SAMSN1: variants seen among roughly 807,000 people sequenced by gnomAD.
The protein encoded by SAMSN1 is SAM domain-containing protein SAMSN-1.
In SAMSN1, 31 loss-of-function variants were observed where a neutral mutation model predicts 42.0. The ratio of observed to expected loss-of-function variants is 0.74; its 90% CI spans 0.55 to 1.00. The LOEUF is 1.00. SAMSN1 is among the 50% of genes least tolerant of loss of function. The pLI is 0.00. For synonymous variants in SAMSN1, 178 were observed against 151.9 expected (o/e 1.17, Z -1.26); for missense variants, 464 against 439.4 (o/e 1.06, Z -0.50).
At chr21:14,569,639 G>A (rs1168289266) in intron 2 of SAMSN1, among the ~76,000 whole-genome samples, 1 of 152,038 alleles carries the variant, frequency 6.6e-6, no homozygotes, top group South Asian at 2.1e-4. Flanking sequence ...TTCTGCAAAT[G>A]TGAAAAATTA....
rs1986409949 is a variant in SAMSN1, at chr21:14,485,869, T to A, written c.*43A>T. 1.3e-6 allele frequency: 2 copies of A among 1,485,762 alleles called. No homozygotes were observed. The highest frequency in any genetic ancestry group is 2.3e-5 in the South Asian group (2 of 88,304). The allele number at this position is 1,485,762 out of a possible 1,614,324, so 92.0% of individuals were successfully genotyped here. Reference sequence around the variant, plus strand: ...TTTGACGTTTTAGCTCAAGAAGAGTTAAAATGGAATGCATCTGTAGATATA... The same window carrying A: ...TTTGACGTTTTAGCTCAAGAAGAGTAAAAATGGAATGCATCTGTAGATATA... On this transcript the variant is annotated 3_prime_UTR_variant, in exon 8 of 8. Coordinates refer to ENST00000400566, the MANE Select transcript of SAMSN1 (RefSeq NM_022136.5).
At chr21:14,607,735 T>C (rs1240395735) in intron 5 of SAMSN1, among the ~76,000 whole-genome samples, 2 of 152,134 alleles carry the variant, frequency 1.3e-5, no homozygotes, top group Non-Finnish European at 2.9e-5. Context: ...ATTCCCAAAT[T>C]AACAAAACAA....
chr21:14,553,957 C>T (rs1004232272), intron 2 of SAMSN1, among the ~76,000 whole-genome samples: 3 of 152,116 alleles, frequency 2.0e-5, no homozygotes, highest in Admixed American at 6.6e-5. Context: ...TCTTTGTTCT[C>T]TCCATCTGGA....
At chr21:14,550,358 G>A (rs1335783692), upstream of SAMSN1, among the ~76,000 whole-genome samples, 1 of 152,032 alleles carries the variant, frequency 6.6e-6, no homozygotes, top group Non-Finnish European at 1.5e-5. Context: ...TAATTGAAAA[G>A]CTGTGCAGTG....
chr21:14,549,265 G>C (rs372520429), upstream of SAMSN1, among the ~76,000 whole-genome samples: 6 of 152,088 alleles, frequency 3.9e-5, no homozygotes, highest in African/African-American at 1.2e-4. Context: ...GAGACATTGA[G>C]GATCTCCATC....
chr21:14,615,080 T>A (rs1043385625), intron 3 of SAMSN1, among the ~76,000 whole-genome samples: 17 of 152,170 alleles, frequency 1.1e-4, no homozygotes, highest in Non-Finnish European at 1.8e-4. Context: ...TTATTCATGG[T>A]CAGAAAAACA....
intron 4 of SAMSN1, among the ~76,000 whole-genome samples, chr21:14,609,882 T>C (rs983769317): frequency 6.6e-6 from 1 of 152,214 alleles, no homozygotes; most frequent in African/African-American, 2.4e-5. Context: ...GAAGATTTCA[T>C]AGACACTTAT....
At chr21:14,600,755 T>A (rs959653966) in intron 6 of SAMSN1, among the ~76,000 whole-genome samples, 3 of 152,134 alleles carry the variant, frequency 2.0e-5, no homozygotes, top group Non-Finnish European at 4.4e-5. Flanking sequence ...CAGCAGACAA[T>A]GCTTCACTTA....
chr21:14,654,134 C>T (rs771994481), intron 1 of SAMSN1, among the ~76,000 whole-genome samples: 2 of 151,676 alleles, frequency 1.3e-5, no homozygotes, highest in Non-Finnish European at 2.9e-5. Context: ...TATAATTAGT[C>T]TAGTTATGAC....
chr21:14,612,218 G>A (rs1472494587), intron 4 of SAMSN1, among the ~76,000 whole-genome samples: 2 of 152,196 alleles, frequency 1.3e-5, no homozygotes, highest in African/African-American at 4.8e-5. Flanking sequence ...CGGCAACAGA[G>A]TGAGACTCCG....
chr21:14,528,337 G>C (rs1393746121), intron 1 of SAMSN1, among the ~76,000 whole-genome samples: 1 of 151,934 alleles, frequency 6.6e-6, no homozygotes, highest in Non-Finnish European at 1.5e-5. Context: ...GTACTTCTTG[G>C]TCCTCCTGGA....
intron 7 of SAMSN1, among the ~76,000 whole-genome samples, chr21:14,488,945 T>C (rs1195205386): frequency 1.3e-5 from 2 of 152,186 alleles, no homozygotes; most frequent in Non-Finnish European, 2.9e-5. Context: ...ATGAAAGCTA[T>C]ATCGCATTCA....
chr21:14,629,085 A>G (rs1481340564), intron 2 of SAMSN1, among the ~76,000 whole-genome samples: 1 of 152,178 alleles, frequency 6.6e-6, no homozygotes, highest in South Asian at 2.1e-4. Flanking sequence ...TCTACTGATC[A>G]TCTAGGTCAG....
intron 2 of SAMSN1, among the ~76,000 whole-genome samples, chr21:14,555,141 G>C (rs1169586502): frequency 6.6e-6 from 1 of 152,156 alleles, no homozygotes. Flanking sequence ...GCCTTCAAAG[G>C]CTGAGCCTCT....
rs555860700 is a variant in SAMSN1, at chr21:14,578,540, G to A, written c.261+3596C>T. Among the ~76,000 whole-genome samples the A allele has an allele frequency of 7.7e-4, 117 of 151,878 alleles. 2 individuals carry two copies. In the South Asian group the frequency reaches 8.1e-3, roughly 11 times the overall value. On this transcript the variant is annotated intron_variant, in intron 2 of 8. Coordinates refer to the SAMSN1 transcript ENST00000285670. The stretch of plus-strand genomic sequence containing the variant: ...TCTACTAAAAATACAAAAATAAGCC[G>A]GGCATGGTGGCGGGCACCTGTAATC...
chr21:14,593,268 A>G (rs1276973830), intron 7 of SAMSN1, among the ~76,000 whole-genome samples: 1 of 152,180 alleles, frequency 6.6e-6, no homozygotes, highest in African/African-American at 2.4e-5. Flanking sequence ...AATTACAGTT[A>G]CATTTTGGGA....
chr21:14,567,664 C>G (rs1011599899), intron 2 of SAMSN1, among the ~76,000 whole-genome samples: 1 of 152,124 alleles, frequency 6.6e-6, no homozygotes, highest in African/African-American at 2.4e-5. Context: ...CCAGTCCATT[C>G]CTGGCGTCCT....
At chr21:14,528,725 C>A (rs984975252) in intron 1 of SAMSN1, among the ~76,000 whole-genome samples, 2 of 152,102 alleles carry the variant, frequency 1.3e-5, no homozygotes, top group African/African-American at 4.8e-5. Context: ...ATTCCTGAAC[C>A]AATGCAACAA....
At chr21:14,543,263 A>G (rs1004423469) in intron 1 of SAMSN1, among the ~76,000 whole-genome samples, 8 of 152,168 alleles carry the variant, frequency 5.3e-5, no homozygotes, top group African/African-American at 1.7e-4. Context: ...ATAAATTTGA[A>G]TGCTACTCTT....
Sources: allele counts gnomAD v4.1 joint callset (sites outside exome capture counted in the v4.1 genomes callset), GRCh38; gene constraint gnomAD v4.1.1; transcripts MANE v1.5; gene names NCBI Gene and HGNC (gene_info 2026-07-23, HGNC 2026-07-21).